Variants in SDK1 observed in about 807,000 individuals in gnomAD.
SDK1 encodes the protein sidekick cell adhesion molecule 1, also known as protein sidekick-1.
SDK1 carries 157 observed loss-of-function variants against 245.5 expected under a neutral mutation model. The observed-to-expected ratio is 0.64, with a 90% CI of 0.56 to 0.73. SDK1 has a LOEUF of 0.73. Ranked by LOEUF, SDK1 falls within the 30% of genes least tolerant of loss-of-function variation. The pLI, the probability that SDK1 is intolerant of heterozygous loss-of-function variation, is 0.00. For synonymous variants in SDK1, 1,647 were observed against 1,278.5 expected, an observed-to-expected ratio of 1.29 and a Z score of -6.15; for missense variants, 3,583 against 3,002.3, an observed-to-expected ratio of 1.19 and a Z score of -4.52.
intron 4 of SDK1, among the ~76,000 whole-genome samples, chr7:3,663,738 A>G (rs1318294589): frequency 6.6e-6 from 1 of 152,176 alleles, no homozygotes; most frequent in Non-Finnish European, 1.5e-5. Flanking sequence ...AACTTGCCAC[A>G]CTAGAATTAT....
chr7:4,028,232 C>T (rs1227771997), intron 17 of SDK1, among the ~76,000 whole-genome samples: 2 of 152,156 alleles, frequency 1.3e-5, no homozygotes, highest in African/African-American at 4.8e-5. Flanking sequence ...CTCTAACACC[C>T]ACTCTAATTT....
intron 4 of SDK1, among the ~76,000 whole-genome samples, chr7:3,740,227 G>A (rs1263090413): frequency 6.6e-6 from 1 of 152,164 alleles, no homozygotes; most frequent in Admixed American, 6.5e-5. Context: ...AGTCTGTCAT[G>A]CCAGAGGTGA....
chr7:3,475,118 T>G (rs1781313074), intron 1 of SDK1, among the ~76,000 whole-genome samples: 1 of 152,210 alleles, frequency 6.6e-6, no homozygotes, highest in South Asian at 2.1e-4. Context: ...TGCTTAAAGC[T>G]CTTTGATTCC....
Position 3,582,350 on chromosome 7 carries a change from C to G in SDK1, c.299-36730C>G, listed in dbSNP as rs573702484. 1.2e-4 allele frequency among the ~76,000 whole-genome samples: 18 copies of G among 148,874 alleles called. No individual in the cohort carries two copies. The South Asian group carries it at 3.4e-3, about 28-fold the overall frequency. On this transcript the variant is annotated intron_variant, in intron 1 of 44. Coordinates refer to ENST00000404826, the MANE Select transcript of SDK1 (RefSeq NM_152744.4). The stretch of plus-strand genomic sequence containing the variant: ...GTAGGTCTGTCTCAGGTAGGTCTCC[C>G]TCAGGTAGGTCTGTCTCAGGTAGGT...
chr7:3,966,050 G>C (rs1358705160), intron 9 of SDK1, among the ~76,000 whole-genome samples: 1 of 151,996 alleles, frequency 6.6e-6, no homozygotes, highest in Admixed American at 6.6e-5. Flanking sequence ...AAGCAGAGAA[G>C]GGACATGAAA....
chr7:4,217,933 A>G (rs1784924391), intron 38 of SDK1, among the ~76,000 whole-genome samples: 1 of 152,110 alleles, frequency 6.6e-6, no homozygotes, highest in African/African-American at 2.4e-5. Context: ...ACAATGAAAA[A>G]AAAAGTTGCT....
intron 33 of SDK1, among the ~76,000 whole-genome samples, chr7:4,175,022 C>T (rs1002114962): frequency 5.3e-5 from 8 of 152,324 alleles, no homozygotes; most frequent in East Asian, 1.9e-4. Flanking sequence ...CTCCAGAACA[C>T]GCCGTGTGGA....
intron 4 of SDK1, among the ~76,000 whole-genome samples, chr7:3,778,744 T>TTAAA (rs1417818651): frequency 2.6e-5 from 4 of 152,228 alleles, no homozygotes; most frequent in African/African-American, 9.7e-5. Flanking sequence ...AAACATAAGC[T>TTAAA]TAAACAAAAT....
intron 37 of SDK1, among the ~76,000 whole-genome samples, 154 bp downstream of exon 37, chr7:4,208,439 G>A (rs1784352949): frequency 6.6e-6 from 1 of 152,246 alleles, no homozygotes; most frequent in Non-Finnish European, 1.5e-5. Context: ...GCAGGACTGG[G>A]TTTGGCTCAT....
At chr7:3,911,621 T>C (rs1035699055) in intron 5 of SDK1, among the ~76,000 whole-genome samples, 5 of 152,148 alleles carry the variant, frequency 3.3e-5, no homozygotes, top group African/African-American at 1.2e-4. Context: ...TTTCAACATA[T>C]GAATTTTGGG....
intron 4 of SDK1, among the ~76,000 whole-genome samples, chr7:3,816,068 C>G (rs1779501151): frequency 7.2e-6 from 1 of 139,628 alleles, no homozygotes. Flanking sequence ...ACACAACATA[C>G]CAGAATCTCT....
chr7:3,861,580 A>G (rs1247959637), intron 5 of SDK1, among the ~76,000 whole-genome samples: 3 of 152,188 alleles, frequency 2.0e-5, no homozygotes, highest in African/African-American at 7.2e-5. Context: ...CATACTATGG[A>G]GAACTTGAAT....
At chr7:3,980,870 G>A (rs1157966390) in intron 13 of SDK1, among the ~76,000 whole-genome samples, 1 of 152,008 alleles carries the variant, frequency 6.6e-6, no homozygotes, top group Non-Finnish European at 1.5e-5. Context: ...GAACTCAGGA[G>A]GCGGAGGTTG....
chr7:3,768,195 C>T (rs956796550), intron 4 of SDK1, among the ~76,000 whole-genome samples: 1 of 152,148 alleles, frequency 6.6e-6, no homozygotes, highest in Non-Finnish European at 1.5e-5. Context: ...CTCTTTAAAG[C>T]AGCGTTGAAT....
At chr7:3,515,151 A>G (rs768180941) in intron 1 of SDK1, among the ~76,000 whole-genome samples, 6 of 152,242 alleles carry the variant, frequency 3.9e-5, no homozygotes, top group South Asian at 2.1e-4. Context: ...GGTGCAGTCA[A>G]TTCTCATTCT....
intron 5 of SDK1, among the ~76,000 whole-genome samples, chr7:3,894,282 C>T (rs1210222231): frequency 6.6e-6 from 1 of 152,190 alleles, no homozygotes; most frequent in East Asian, 1.9e-4. Flanking sequence ...GTGCATGGCT[C>T]CTGCTAAATT....
At chr7:3,787,184 A>ACT (rs1780929761) in intron 4 of SDK1, among the ~76,000 whole-genome samples, 1 of 151,104 alleles carries the variant, frequency 6.6e-6, no homozygotes, top group Admixed American at 6.6e-5. Flanking sequence ...ACACACACAC[A>ACT]CACTCCCATA....
At chr7:3,445,360 T>A (rs1312171750) in intron 1 of SDK1, among the ~76,000 whole-genome samples, 2 of 152,140 alleles carry the variant, frequency 1.3e-5, no homozygotes, top group Non-Finnish European at 2.9e-5. Context: ...TTTACTGACT[T>A]TTACCATGGT....
At chr7:3,753,354 G>C (rs996704164) in intron 4 of SDK1, among the ~76,000 whole-genome samples, 2 of 152,152 alleles carry the variant, frequency 1.3e-5, no homozygotes, top group Non-Finnish European at 2.9e-5. Flanking sequence ...ATCACCATCA[G>C]TATTAGAGAT....
Sources: allele counts gnomAD v4.1 joint callset (sites outside exome capture counted in the v4.1 genomes callset), GRCh38; gene constraint gnomAD v4.1.1; transcripts MANE v1.5; gene names NCBI Gene and HGNC (gene_info 2026-07-23, HGNC 2026-07-21).